KIF27: variants seen among roughly 807,000 people sequenced by gnomAD.
KIF27 encodes kinesin family member 27.
In KIF27, 84 loss-of-function variants were observed where a neutral mutation model predicts 141.8. The observed-to-expected ratio is 0.59, with a 90% CI of 0.50 to 0.71. KIF27 has a LOEUF of 0.71. Among genes scored for constraint, KIF27 ranks in the 30% least tolerant of loss-of-function variants. The pLI is 0.00. For synonymous variants in KIF27, 471 were observed against 569.5 expected (o/e 0.83, Z 2.46); for missense variants, 1,306 against 1,628.4 (o/e 0.80, Z 3.41).
chr9:83,920,689 G>A (rs903792549), intron 1 of KIF27, among the ~76,000 whole-genome samples: 1 of 152,216 alleles, frequency 6.6e-6, no homozygotes, highest in Non-Finnish European at 1.5e-5. Context: ...AAACAACAAG[G>A]ATTTTCAACA....
At chr9:83,891,957 A>T (rs1405464596) in intron 5 of KIF27, among the ~76,000 whole-genome samples, 1 of 151,986 alleles carries the variant, frequency 6.6e-6, no homozygotes, top group Non-Finnish European at 1.5e-5. Flanking sequence ...CCTTAGTGAA[A>T]AAGGAAGCCA....
In KIF27 at chr9:83,868,840, A is replaced by G. The variant is rs116703918; in HGVS notation, c.2758-980T>C. Among the ~76,000 whole-genome samples, 222 of 152,328 alleles carry G rather than the reference A, an allele frequency of 1.5e-3. 1 individual carries two copies. The highest frequency in any genetic ancestry group is 5.1e-3 in the African/African-American group (213 of 41,564). On this transcript the variant is annotated intron_variant, in intron 12 of 17. Coordinates refer to ENST00000297814, the MANE Select transcript of KIF27 (RefSeq NM_017576.4). The stretch of plus-strand genomic sequence containing the variant: ...TTCGGTCTTCCAATAATACCAATAT[A>G]TTAATAGTATAATCTTATAAGCACT...
intron 2 of KIF27, 32 bp downstream of exon 2, chr9:83,915,262 C>T: frequency 1.9e-6 from 3 of 1,546,266 alleles, no homozygotes; most frequent in Non-Finnish European, 2.6e-6. Flanking sequence ...TCTAGCGTCA[C>T]AAATAAAAGT....
At chr9:83,919,155 C>A (rs1956001190) in intron 1 of KIF27, among the ~76,000 whole-genome samples, 1 of 152,126 alleles carries the variant, frequency 6.6e-6, no homozygotes, top group Non-Finnish European at 1.5e-5. Flanking sequence ...AAAGACAGAT[C>A]ATAAGTGTTG....
intron 13 of KIF27, among the ~76,000 whole-genome samples, chr9:83,863,379 C>A (rs967716474): frequency 6.6e-6 from 1 of 151,986 alleles, no homozygotes; most frequent in African/African-American, 2.4e-5. Flanking sequence ...AGAGTTTTTA[C>A]CATGAAGGGC....
intron 11 of KIF27, among the ~76,000 whole-genome samples, chr9:83,877,464 A>G (rs1046515088): frequency 3.3e-5 from 5 of 152,174 alleles, no homozygotes; most frequent in Admixed American, 2.6e-4. Context: ...TCCACATGCA[A>G]AAGAATAAAT....
chr9:83,842,120 A>T, intron 17 of KIF27, 117 bp downstream of exon 17: 1 of 1,206,830 alleles, frequency 8.3e-7, no homozygotes, highest in Non-Finnish European at 1.1e-6. Context: ...AGAGACAAAT[A>T]GAAGTATCTA....
At chr9:83,913,754 T>C (rs1293186337) in intron 2 of KIF27, among the ~76,000 whole-genome samples, 2 of 152,138 alleles carry the variant, frequency 1.3e-5, no homozygotes, top group East Asian at 1.9e-4. Context: ...ATATTTTACA[T>C]TGTTAAATGC....
At chr9:83,881,221 C>G (rs912661758) in intron 10 of KIF27, among the ~76,000 whole-genome samples, 1 of 152,088 alleles carries the variant, frequency 6.6e-6, no homozygotes, top group Non-Finnish European at 1.5e-5. Context: ...ATTAGACTTT[C>G]AAAGTGTTCA....
intron 2 of KIF27, among the ~76,000 whole-genome samples, chr9:83,911,828 GCCT>G (rs1434163756): frequency 1.3e-5 from 2 of 152,178 alleles, no homozygotes; most frequent in Non-Finnish European, 2.9e-5. Flanking sequence ...ACCACGCCTG[GCCT>G]CCACTTACAT....
chr9:83,856,892 G>C (rs965037931), intron 14 of KIF27, among the ~76,000 whole-genome samples: 3 of 145,688 alleles, frequency 2.1e-5, no homozygotes, highest in East Asian at 2.0e-4. Flanking sequence ...GAGTGACAGA[G>C]TGAGACTCCA....
At chr9:83,916,845 A>G (rs1293878570) in intron 1 of KIF27, among the ~76,000 whole-genome samples, 1 of 152,016 alleles carries the variant, frequency 6.6e-6, no homozygotes, top group Admixed American at 6.6e-5. Flanking sequence ...TTCTATTTTT[A>G]GTAGACATGG....
Position 83,836,263 on chromosome 9 carries a change from T to G in KIF27, c.*738A>C, listed in dbSNP as rs1469720020. 6.6e-6 allele frequency among the ~76,000 whole-genome samples: 1 copy of G among 152,164 alleles called. No individual in the cohort carries two copies. The highest frequency in any genetic ancestry group is 1.5e-5 in the Non-Finnish European group (1 of 67,994). On this transcript the variant is annotated 3_prime_UTR_variant, in exon 18 of 18. Coordinates refer to ENST00000297814, the MANE Select transcript of KIF27 (RefSeq NM_017576.4). Reference sequence around the variant, plus strand: ...ATGTTAGAATGCTTTAGTTTTATTCTATAATTTCCGTGTTCCATGGAACAG... The same window carrying G: ...ATGTTAGAATGCTTTAGTTTTATTCGATAATTTCCGTGTTCCATGGAACAG...
intron 11 of KIF27, 117 bp from the exon 12 acceptor site, chr9:83,870,749 C>T (rs1179134076): frequency 1.3e-5 from 19 of 1,411,280 alleles, no homozygotes; most frequent in African/African-American, 1.6e-5. Flanking sequence ...CTCGCTCTGT[C>T]ACCCAGGCTG....
At chr9:83,854,310 T>A (rs1948944294) in intron 14 of KIF27, among the ~76,000 whole-genome samples, 1 of 152,110 alleles carries the variant, frequency 6.6e-6, no homozygotes, top group South Asian at 2.1e-4. Context: ...CAGTGATCTA[T>A]CAAAACAATA....
intron 3 of KIF27, 57 bp downstream of exon 3, chr9:83,908,395 A>G: frequency 1.1e-6 from 1 of 933,872 alleles, no homozygotes; most frequent in East Asian, 2.6e-5. Flanking sequence ...ACTTAATTAA[A>G]GCATTAAAGC....
At chr9:83,871,712 A>G (rs1482344553) in intron 11 of KIF27, among the ~76,000 whole-genome samples, 1 of 150,538 alleles carries the variant, frequency 6.6e-6, no homozygotes, top group African/African-American at 2.4e-5. Context: ...TTTTCTAGAC[A>G]AAGTCTCACT....
In KIF27 at chr9:83,834,897, A is replaced by G. The variant is rs1433111026; in HGVS notation, c.*2104T>C. Among the ~76,000 whole-genome samples, 1 of 148,830 alleles carries G rather than the reference A, an allele frequency of 6.7e-6. No individual in the cohort carries two copies. The highest frequency in any genetic ancestry group is 1.5e-5 in the Non-Finnish European group (1 of 67,336). ...AAAGTGAAATAATGTAAAATGTATA[A>G]CCTATATCTATATACAAGTATATAT... On this transcript the variant is annotated 3_prime_UTR_variant, in exon 18 of 18. Coordinates refer to ENST00000297814, the MANE Select transcript of KIF27 (RefSeq NM_017576.4).
rs1950920241 is a variant in KIF27 at position 83,873,006 on chromosome 9, T to C, written c.2644-2374A>G. Among the ~76,000 whole-genome samples, 7 of 152,328 alleles carry C rather than the reference T, an allele frequency of 4.6e-5. No individual in the cohort carries two copies. In the South Asian group the frequency reaches 1.4e-3, roughly 32 times the overall value. ...GCTTGGATCCTGAGTTGAGAGCTAA[T>C]GTAGGTAGTCACTGTGGGGAACTGG... On this transcript the variant is annotated intron_variant, in intron 11 of 17. Transcript: ENST00000297814.
Sources: allele counts gnomAD v4.1 joint callset (sites outside exome capture counted in the v4.1 genomes callset), GRCh38; gene constraint gnomAD v4.1.1; transcripts MANE v1.5; gene names NCBI Gene and HGNC (gene_info 2026-07-23, HGNC 2026-07-21).